The following MON2 variants were observed in gnomAD, a reference collection of about 807,000 sequenced individuals.
MON2 encodes protein MON2 homolog.
A neutral mutation model predicts 208.6 loss-of-function variants in MON2; 84 were observed. The ratio of observed to expected loss-of-function variants is 0.40; its 90% confidence interval spans 0.34 to 0.48. The LOEUF (loss-of-function observed/expected upper bound fraction) is 0.48, where lower values mean the gene tolerates loss of function less well. MON2 is among the 20% of genes least tolerant of loss of function. The probability of loss-of-function intolerance (pLI) is 0.59; values close to 1 mark genes in which losing one functional copy is unlikely to be tolerated. For missense variants in MON2, 1,611 were observed against 2,015.4 expected (o/e 0.80, Z 3.84); for synonymous variants, 660 against 694.0 (o/e 0.95, Z 0.77).
At chr12:62,533,266 T>C (rs928111608) in intron 12 of MON2, among the ~76,000 whole-genome samples, 6 of 152,216 alleles carry the variant, frequency 3.9e-5, no homozygotes, top group Non-Finnish European at 7.3e-5. Flanking sequence ...TTTGTGTCAT[T>C]ATTGGAGATG....
At chr12:62,592,071 T>C (rs1471446725) in intron 34 of MON2, among the ~76,000 whole-genome samples, 1 of 152,156 alleles carries the variant, frequency 6.6e-6, no homozygotes, top group Non-Finnish European at 1.5e-5. Flanking sequence ...ATGATATACA[T>C]TAAAGATTAG....
intron 25 of MON2, chr12:62,559,924 CT>C (rs1319312660): frequency 6.6e-6 from 1 of 152,262 alleles, no homozygotes; most frequent in African/African-American, 2.4e-5. Flanking sequence ...TAAGTTACGA[CT>C]TTTCCAATGA....
In MON2 at chr12:62,534,827, ATG is replaced by A. The variant is rs750601039; in HGVS notation, c.1634-16_1634-15del. On this transcript the variant is annotated splice_polypyrimidine_tract_variant and intron_variant, in intron 12 of 34. Transcript: ENST00000393630. The stretch of plus-strand genomic sequence containing the variant: ...ATCTATAATTAAAATTAAATATTGT[ATG>A]TTTTTTTCCTTTAAGTTAGTAGGGC... 1.3e-6 allele frequency: 2 copies of A among 1,572,268 alleles called. No homozygotes were observed. The highest frequency in any genetic ancestry group is 1.7e-5 in the Admixed American group (1 of 59,826).
intron 20 of MON2, 55 bp from the exon 21 acceptor site, chr12:62,544,843 A>G (rs1429709035): frequency 4.4e-6 from 7 of 1,580,278 alleles, no homozygotes; most frequent in Non-Finnish European, 6.1e-6. Flanking sequence ...TGTAAAATTG[A>G]TGTGTGATTC....
chr12:62,497,179 G>A (rs2070553468), intron 4 of MON2, among the ~76,000 whole-genome samples: 2 of 123,814 alleles, frequency 1.6e-5, no homozygotes, highest in Admixed American at 1.7e-4. Flanking sequence ...AGGGGGGAGG[G>A]GGGAGGGATA....
chr12:62,479,289 T>G (rs139377959), intron 1 of MON2, among the ~76,000 whole-genome samples: 6,779 of 152,294 alleles, frequency 0.045, 212 homozygotes, highest in Non-Finnish European at 0.059. Flanking sequence ...GCCCCTGATA[T>G]GAAATGTTGT....
chr12:62,496,450 A>G (rs891539796), intron 4 of MON2, among the ~76,000 whole-genome samples: 4 of 152,318 alleles, frequency 2.6e-5, no homozygotes, highest in Non-Finnish European at 5.9e-5. Flanking sequence ...CTATATAACT[A>G]TGTACTGTGT....
chr12:62,565,052 T>G, intron 26 of MON2, 185 bp from the exon 27 acceptor site: 1 of 521,966 alleles, frequency 1.9e-6, no homozygotes, highest in Non-Finnish European at 3.3e-6. Flanking sequence ...TGATTAACAG[T>G]TTCAGCCTAT....
intron 8 of MON2, among the ~76,000 whole-genome samples, chr12:62,509,562 A>G (rs1009275249): frequency 6.6e-6 from 1 of 152,372 alleles, no homozygotes; most frequent in African/African-American, 2.4e-5. Flanking sequence ...AGACATATAC[A>G]GAACACTCCA....
chr12:62,588,017 A>C (rs1367706203), intron 33 of MON2, 57 bp from the exon 34 acceptor site: 2 of 1,170,568 alleles, frequency 1.7e-6, no homozygotes, highest in Non-Finnish European at 2.5e-6. Context: ...TTTAAAAAAC[A>C]AACATACCTG....
At chr12:62,564,553 G>T (rs538623130) in intron 26 of MON2, among the ~76,000 whole-genome samples, 1 of 151,942 alleles carries the variant, frequency 6.6e-6, no homozygotes, top group South Asian at 2.1e-4. Flanking sequence ...AAAATCTGCA[G>T]TATCATGATA....
chr12:62,495,776 G>T (rs1307952767), intron 4 of MON2, among the ~76,000 whole-genome samples: 1 of 148,734 alleles, frequency 6.7e-6, no homozygotes, highest in Non-Finnish European at 1.5e-5. Context: ...AATTTCACAT[G>T]TATATAGTAT....
chr12:62,585,668 G>T (rs2075199059), intron 33 of MON2, 167 bp downstream of exon 33: 1 of 531,728 alleles, frequency 1.9e-6, no homozygotes, highest in Non-Finnish European at 3.2e-6. Flanking sequence ...TTTTCCTGCA[G>T]ATATATTAAC....
intron 33 of MON2, chr12:62,587,803 T>G (rs1380298333): frequency 7.7e-6 from 2 of 261,250 alleles, no homozygotes; most frequent in Non-Finnish European, 1.4e-5. Flanking sequence ...ATCTTACAAA[T>G]AAATTTAATT....
Position 62,500,828 on chromosome 12 carries a change from G to C in MON2, c.611G>C (p.Arg204Thr). 1 of 1,596,298 alleles carries C rather than the reference G, an allele frequency of 6.3e-7. No individual in the cohort carries two copies. Among genetic ancestry groups the C allele is most frequent in the East Asian group, 2.3e-5 (1 of 43,766 alleles). Residue 204 changes from arginine to threonine, a missense_variant, in exon 6 of 35, where the codon AGA (arginine) becomes ACA (threonine). Physicochemically the swap from Arg to Thr is moderately conservative, Grantham distance 71. Coordinates refer to ENST00000393630, the MANE Select transcript of MON2 (RefSeq NM_015026.3). ...CTGGTACAAGGAAATAGTAACAGAA[G>C]ATCTGTCAGTACCCTCAAACCTTGT... ...PVLVQGNSNR[R>T]SVSTLKPCAK... is the part of the protein sequence containing the mutation.
At chr12:62,569,786 G>A (rs911884567) in intron 29 of MON2, among the ~76,000 whole-genome samples, 1 of 152,120 alleles carries the variant, frequency 6.6e-6, no homozygotes, top group Non-Finnish European at 1.5e-5. Flanking sequence ...ATTATATGGA[G>A]GTGGAAGGAG....
At chr12:62,501,428 A>T in intron 6 of MON2, 145 bp from the exon 7 acceptor site, 1 of 811,896 alleles carries the variant, frequency 1.2e-6, no homozygotes, top group Non-Finnish European at 1.9e-6. Context: ...AATTTGTCAA[A>T]ATTGGAATTA....
At chr12:62,472,994 T>A (rs2068872086) in intron 1 of MON2, among the ~76,000 whole-genome samples, 1 of 152,230 alleles carries the variant, frequency 6.6e-6, no homozygotes, top group Admixed American at 6.5e-5. Context: ...AAAATTTGAT[T>A]TATTTTTCTT....
intron 2 of MON2, among the ~76,000 whole-genome samples, chr12:62,487,924 C>A (rs996134618): frequency 6.6e-6 from 1 of 152,058 alleles, no homozygotes; most frequent in Non-Finnish European, 1.5e-5. Context: ...CTTTTGAAGA[C>A]CTTTTCTAGA....
Sources: allele counts gnomAD v4.1 joint callset (sites outside exome capture counted in the v4.1 genomes callset), GRCh38; gene constraint gnomAD v4.1.1; transcripts MANE v1.5; gene names NCBI Gene and HGNC (gene_info 2026-07-23, HGNC 2026-07-21).